Variants in OPCML observed in about 807,000 individuals in gnomAD.
OPCML encodes the protein opioid-binding protein/cell adhesion molecule.
OPCML carries 13 observed loss-of-function variants against 37.8 expected under a neutral mutation model. The observed-to-expected ratio is 0.34, with a 90% CI of 0.22 to 0.55. The LOEUF is 0.55. Ranked by LOEUF, OPCML falls within the 20% of genes least tolerant of loss-of-function variation. The pLI, the probability that OPCML is intolerant of heterozygous loss-of-function variation, is 0.91. For missense variants in OPCML, 341 were observed against 435.6 expected, an observed-to-expected ratio of 0.78 and a Z score of 1.93; for synonymous variants, 176 against 168.8, an observed-to-expected ratio of 1.04 and a Z score of -0.33.
chr11:133,527,082 A>G (rs149130907), intron 1 of OPCML, among the ~76,000 whole-genome samples: 31 of 152,322 alleles, frequency 2.0e-4, no homozygotes, highest in Non-Finnish European at 3.8e-4. Flanking sequence ...GCAACAGTCC[A>G]TCTGCAAACA....
chr11:132,803,542 A>C (rs1938811730), intron 2 of OPCML, among the ~76,000 whole-genome samples: 1 of 152,186 alleles, frequency 6.6e-6, no homozygotes, highest in Admixed American at 6.5e-5. Context: ...AATTGATGGG[A>C]CATGGTGGGA....
chr11:132,714,803 G>A (rs1944406782), intron 2 of OPCML, among the ~76,000 whole-genome samples: 1 of 152,146 alleles, frequency 6.6e-6, no homozygotes, highest in African/African-American at 2.4e-5. Context: ...AATCCCCAAG[G>A]GGAGCTTTGA....
chr11:132,558,263 TCTC>T (rs1253461396), intron 3 of OPCML, among the ~76,000 whole-genome samples: 15 of 146,512 alleles, frequency 1.0e-4, no homozygotes, highest in South Asian at 2.2e-4. Context: ...TCCTCTTCCT[TCTC>T]CTCTTCTTCA....
chr11:133,412,596 C>T (rs1030073865), intron 1 of OPCML, among the ~76,000 whole-genome samples: 1 of 152,222 alleles, frequency 6.6e-6, no homozygotes, highest in African/African-American at 2.4e-5. Context: ...GAACTTGTCG[C>T]ATTACCACCA....
At chr11:132,895,323 A>C (rs565259741) in intron 2 of OPCML, among the ~76,000 whole-genome samples, 1 of 152,366 alleles carries the variant, frequency 6.6e-6, no homozygotes, top group East Asian at 1.9e-4. Flanking sequence ...TCCTAATGTC[A>C]GTGGACAAAG....
intron 1 of OPCML, among the ~76,000 whole-genome samples, chr11:133,228,473 A>G (rs1217034016): frequency 6.6e-6 from 1 of 152,234 alleles, no homozygotes; most frequent in East Asian, 1.9e-4. Flanking sequence ...AATCTCAGAG[A>G]GAGTTTTCAA....
intron 2 of OPCML, chr11:132,773,265 A>C (rs937946677): frequency 6.6e-6 from 1 of 152,172 alleles, no homozygotes; most frequent in Admixed American, 6.5e-5. Flanking sequence ...GGTGCCCCTC[A>C]GCCACCCTGC....
chr11:133,019,732 TG>T (rs996643975), intron 1 of OPCML, among the ~76,000 whole-genome samples: 4 of 152,288 alleles, frequency 2.6e-5, no homozygotes, highest in South Asian at 4.1e-4. Flanking sequence ...AGAGCATCCC[TG>T]GGTATCCCTA....
intron 3 of OPCML, among the ~76,000 whole-genome samples, chr11:132,580,291 T>C (rs1012685376): frequency 2.6e-5 from 4 of 152,126 alleles, no homozygotes; most frequent in African/African-American, 9.7e-5. Flanking sequence ...ACTGGAGAAA[T>C]ATGACGAATC....
chr11:132,547,446 A>T (rs1353754116), intron 3 of OPCML, among the ~76,000 whole-genome samples: 1 of 152,172 alleles, frequency 6.6e-6, no homozygotes, highest in Non-Finnish European at 1.5e-5. Flanking sequence ...GGCAAGTTAA[A>T]GTAGGAGGAG....
At chr11:133,191,522 T>G (rs1313327111) in intron 1 of OPCML, among the ~76,000 whole-genome samples, 1 of 151,850 alleles carries the variant, frequency 6.6e-6, no homozygotes, top group East Asian at 1.9e-4. Flanking sequence ...TGTGTGTGTG[T>G]GTGTGTGTGT....
At chr11:133,406,669 G>A (rs1225898897) in intron 1 of OPCML, among the ~76,000 whole-genome samples, 1 of 152,182 alleles carries the variant, frequency 6.6e-6, no homozygotes, top group African/African-American at 2.4e-5. Flanking sequence ...TTAATTAAAA[G>A]CCAGGCCTGT....
At chr11:132,860,795 C>A (rs977674416) in intron 2 of OPCML, 3 of 152,152 alleles carry the variant, frequency 2.0e-5, no homozygotes, top group Admixed American at 2.0e-4. Flanking sequence ...CACCACCCCA[C>A]ATAAAACATT....
At chr11:133,140,951 A>ACG in intron 1 of OPCML, among the ~76,000 whole-genome samples, 1 of 1,460 alleles carries the variant, frequency 6.8e-4, no homozygotes, top group African/African-American at 1.0e-3. Context: ...GAAGACGACG[A>ACG]AGAAGAAGAA....
chr11:133,257,522 C>T (rs916852838), intron 1 of OPCML, among the ~76,000 whole-genome samples: 1 of 152,196 alleles, frequency 6.6e-6, no homozygotes, highest in Non-Finnish European at 1.5e-5. Flanking sequence ...CTAGGCCTCT[C>T]TCTGCTCCTG....
chr11:132,792,928 G>A (rs1010909473), intron 2 of OPCML, among the ~76,000 whole-genome samples: 3 of 152,212 alleles, frequency 2.0e-5, no homozygotes, highest in African/African-American at 7.2e-5. Context: ...GCATGACGGA[G>A]CCCAGTGCTC....
In OPCML at chr11:133,218,602, G is replaced by A. The variant is rs146501423; in HGVS notation, c.62-275592C>T. ...GGTACTGGCTGCATCCAGGGTCCAC[G>A]GCGAAGAGTAGCCCAATTCATTGGT... On this transcript the variant is annotated intron_variant, in intron 1 of 7. Coordinates refer to ENST00000524381, the MANE Select transcript of OPCML (RefSeq NM_001012393.5). Among the ~76,000 whole-genome samples the A allele has an allele frequency of 1.1e-3, 163 of 152,248 alleles. 3 individuals carry two copies. The East Asian group carries it at 0.029, about 27-fold the overall frequency.
chr11:132,752,543 A>G (rs1945870928), intron 2 of OPCML, among the ~76,000 whole-genome samples: 2 of 152,130 alleles, frequency 1.3e-5, no homozygotes, highest in Admixed American at 1.3e-4. Flanking sequence ...AAAATCCCCC[A>G]CTAAAATCCA....
intron 3 of OPCML, among the ~76,000 whole-genome samples, chr11:132,555,833 G>A (rs1395530200): frequency 6.6e-6 from 1 of 152,130 alleles, no homozygotes; most frequent in African/African-American, 2.4e-5. Flanking sequence ...TGTGTGTAAG[G>A]TCACAGAGCA....
Sources: gnomAD v4.1 joint callset for allele counts (sites outside exome capture counted in the v4.1 genomes callset) on GRCh38, gnomAD v4.1.1 for gene constraint, MANE v1.5 for transcripts, NCBI Gene and HGNC (gene_info 2026-07-23, HGNC 2026-07-21) for gene names.